Variants in CADM2 observed in about 807,000 individuals in gnomAD.
The protein encoded by CADM2 is cell adhesion molecule 2.
A neutral mutation model predicts 49.8 loss-of-function variants in CADM2; 12 were observed. The ratio of observed to expected loss-of-function variants is 0.24; its 90% confidence interval spans 0.15 to 0.39. The LOEUF is 0.39. CADM2 is among the 10% of genes least tolerant of loss of function. The pLI, the probability that CADM2 is intolerant of heterozygous loss-of-function variation, is 1.00. For synonymous variants in CADM2, 214 were observed against 175.4 expected, an observed-to-expected ratio of 1.22 and a Z score of -1.74; for missense variants, 378 against 492.3, an observed-to-expected ratio of 0.77 and a Z score of 2.20.
intron 3 of CADM2, among the ~76,000 whole-genome samples, chr3:85,810,009 T>C (rs2072749823): frequency 2.0e-5 from 3 of 151,832 alleles, no homozygotes; most frequent in Admixed American, 6.6e-5. Flanking sequence ...TAAAGAAGAA[T>C]AAATGGGCCA....
chr3:85,330,316 A>G (rs2044881358), intron 1 of CADM2, among the ~76,000 whole-genome samples: 1 of 152,132 alleles, frequency 6.6e-6, no homozygotes, highest in Non-Finnish European at 1.5e-5. Flanking sequence ...GAACTCTCAT[A>G]GCACTTATCA....
At chr3:85,948,335 C>T (rs190009034) in intron 7 of CADM2, among the ~76,000 whole-genome samples, 111 of 151,014 alleles carry the variant, frequency 7.4e-4, no homozygotes, top group African/African-American at 2.5e-3. Flanking sequence ...GCATTTTTTT[C>T]GTAACATGTA....
At chr3:85,946,700 A>G (rs1722753473) in intron 7 of CADM2, among the ~76,000 whole-genome samples, 1 of 152,072 alleles carries the variant, frequency 6.6e-6, no homozygotes. Flanking sequence ...TGGGGAAAGG[A>G]TTCCCTATTT....
At chr3:85,623,663 C>T (rs1439916080) in intron 1 of CADM2, among the ~76,000 whole-genome samples, 1 of 152,178 alleles carries the variant, frequency 6.6e-6, no homozygotes, top group Non-Finnish European at 1.5e-5. Flanking sequence ...ATAGAAACTT[C>T]TGTCTTTCCT....
chr3:85,872,241 T>A (rs2075958016), intron 3 of CADM2, among the ~76,000 whole-genome samples: 1 of 152,164 alleles, frequency 6.6e-6, no homozygotes, highest in African/African-American at 2.4e-5. Context: ...TGGATTTCCC[T>A]CTTGAGAATT....
Position 85,372,959 on chromosome 3 carries a change from A to T in CADM2, c.62-353563A>T, listed in dbSNP as rs148656039. Among the ~76,000 whole-genome samples, 187 of 152,234 alleles carry T rather than the reference A, an allele frequency of 1.2e-3. 1 individual carries two copies. Among genetic ancestry groups the T allele is most frequent in the Middle Eastern group, 3.4e-3 (1 of 294 alleles). ...TCTCTCCCGTGGACACATGGGGATT[A>T]TGGGAGCTGCAATTCAAGATGAGAT... On this transcript the variant is annotated intron_variant, in intron 1 of 9. Transcript: ENST00000383699.
In CADM2 at chr3:85,812,486, A is replaced by T. The variant is rs572369287; in HGVS notation, c.238+10290A>T. On this transcript the variant is annotated intron_variant, in intron 3 of 9. Coordinates refer to ENST00000383699, the MANE Select transcript of CADM2 (RefSeq NM_001167675.2). ...CTCCATGTTGAATAGACTTTTAATCAGGATCAGCACAGGCATCATGATAAT... is the reference window on the plus strand; with the variant it reads ...CTCCATGTTGAATAGACTTTTAATCTGGATCAGCACAGGCATCATGATAAT... Among the ~76,000 whole-genome samples the T allele has an allele frequency of 5.3e-5, 8 of 152,280 alleles. No homozygotes were observed. The South Asian group carries it at 8.3e-4, about 16-fold the overall frequency.
At chr3:85,518,005 T>G (rs1252320335) in intron 1 of CADM2, among the ~76,000 whole-genome samples, 1 of 152,112 alleles carries the variant, frequency 6.6e-6, no homozygotes, top group African/African-American at 2.4e-5. Context: ...AATTCAGCTA[T>G]GTTTTCTTTT....
At chr3:85,563,597 C>A (rs968265639) in intron 1 of CADM2, among the ~76,000 whole-genome samples, 3 of 151,942 alleles carry the variant, frequency 2.0e-5, no homozygotes, top group Non-Finnish European at 4.4e-5. Flanking sequence ...ATATCGAGGG[C>A]CACTAGAAGT....
chr3:85,311,179 A>C (rs2044333260), intron 1 of CADM2, among the ~76,000 whole-genome samples: 1 of 152,078 alleles, frequency 6.6e-6, no homozygotes, highest in African/African-American at 2.4e-5. Flanking sequence ...TATCTAGGAT[A>C]AAATACACTA....
intron 1 of CADM2, among the ~76,000 whole-genome samples, chr3:85,150,164 T>G (rs1289363165): frequency 6.6e-6 from 1 of 152,190 alleles, no homozygotes; most frequent in African/African-American, 2.4e-5. Flanking sequence ...GAATTAAATT[T>G]TAGCTTTCAG....
rs893009223 is a variant in CADM2 at position 85,062,382 on chromosome 3, T to A, written c.61+102714T>A. Among the ~76,000 whole-genome samples, 13 of 152,198 alleles carry A rather than the reference T, an allele frequency of 8.5e-5. No homozygotes were observed. The East Asian group carries it at 2.5e-3, about 29-fold the overall frequency. ...AACCAACATTATGATCACCCTTTTATGCTTTTATTAATAGCAACATTAATT... is the reference window on the plus strand; with the variant it reads ...AACCAACATTATGATCACCCTTTTAAGCTTTTATTAATAGCAACATTAATT... On this transcript the variant is annotated intron_variant, in intron 1 of 9. Transcript: ENST00000383699.
At chr3:85,318,809 T>A (rs1331610460) in intron 1 of CADM2, among the ~76,000 whole-genome samples, 1 of 152,184 alleles carries the variant, frequency 6.6e-6, no homozygotes, top group Non-Finnish European at 1.5e-5. Context: ...ATTTAGCAAG[T>A]AAGGTCATTG....
At chr3:85,186,164 G>T (rs72909172) in intron 1 of CADM2, among the ~76,000 whole-genome samples, 10,876 of 152,190 alleles carry the variant, frequency 0.071, 1,291 homozygotes, top group African/African-American at 0.25. Flanking sequence ...CTGACACATA[G>T]TAGATCCTTA....
At chr3:85,405,575 A>G (rs1304974167) in intron 1 of CADM2, among the ~76,000 whole-genome samples, 1 of 152,184 alleles carries the variant, frequency 6.6e-6, no homozygotes, top group Non-Finnish European at 1.5e-5. Context: ...GCCCTCACTC[A>G]AAAGTAATTC....
intron 2 of CADM2, among the ~76,000 whole-genome samples, chr3:85,794,119 G>A (rs903648673): frequency 6.6e-6 from 1 of 152,000 alleles, no homozygotes; most frequent in African/African-American, 2.4e-5. Flanking sequence ...TAATCCTTAT[G>A]TATTTTACTT....
At chr3:85,337,188 A>T (rs2045113047) in intron 1 of CADM2, among the ~76,000 whole-genome samples, 2 of 150,424 alleles carry the variant, frequency 1.3e-5, no homozygotes, top group South Asian at 2.1e-4. Flanking sequence ...CCTCTAAAAA[A>T]TGTTAAATTG....
intron 1 of CADM2, among the ~76,000 whole-genome samples, chr3:85,583,017 T>A (rs2107304510): frequency 6.6e-6 from 1 of 152,244 alleles, no homozygotes; most frequent in South Asian, 2.1e-4. Flanking sequence ...TACTTATGTG[T>A]TTAGTACAGT....
intron 1 of CADM2, among the ~76,000 whole-genome samples, chr3:85,623,598 CAAGT>C (rs1427715216): frequency 6.6e-6 from 1 of 152,052 alleles, no homozygotes; most frequent in East Asian, 1.9e-4. Flanking sequence ...AATCAGAGAG[CAAGT>C]GTTATAATTG....
Sources: gnomAD v4.1 joint callset for allele counts (sites outside exome capture counted in the v4.1 genomes callset) on GRCh38, gnomAD v4.1.1 for gene constraint, MANE v1.5 for transcripts, NCBI Gene and HGNC (gene_info 2026-07-23, HGNC 2026-07-21) for gene names.